Variants in BAG2 observed in about 807,000 individuals in gnomAD.
BAG2 encodes the protein BAG cochaperone 2.
Under a neutral mutation model 16.4 loss-of-function variants are expected in BAG2, and 8 were observed. That is an observed-to-expected ratio of 0.49 (90% CI 0.29 to 0.88). The LOEUF (loss-of-function observed/expected upper bound fraction) is 0.88. BAG2 is among the 40% of genes least tolerant of loss of function. The pLI, the probability that BAG2 is intolerant of heterozygous loss-of-function variation, is 0.09. For synonymous variants in BAG2, 82 were observed against 89.2 expected (o/e 0.92, Z 0.46); for missense variants, 218 against 248.9 (o/e 0.88, Z 0.84).
chr6:57,172,361 T>G lies in BAG2; in HGVS notation c.-337T>G, dbSNP rs1332035684. 5.8e-6 allele frequency: 1 copy of G among 171,712 alleles called. No individual in the cohort carries two copies. Among genetic ancestry groups the G allele is most frequent in the African/African-American group, 2.4e-5 (1 of 42,244 alleles). 10.6% of individuals were successfully genotyped at this position (171,712 alleles called of 1,614,324 possible). A position where few individuals can be genotyped will look rare whatever the true frequency, so the allele number is the denominator to read the frequency against. On this transcript the variant is annotated 5_prime_UTR_variant, in exon 1 of 3. Transcript: ENST00000370693. ...CTAGCCACATTAGGCGCTCGGTCTC[T>G]GCGTCCGCCCCTCCCGTGCCTCAGA...
In BAG2 at chr6:57,184,226, G is replaced by GT; in HGVS notation, c.*37dup. 6.9e-7 allele frequency: 1 copy of GT among 1,444,564 alleles called. No individual in the cohort carries two copies. The highest frequency in any genetic ancestry group is 9.1e-7 in the Non-Finnish European group (1 of 1,099,466). The allele number at this position is 1,444,564 out of a possible 1,614,324, so 89.5% of individuals were successfully genotyped here. ...TAAGAGCATTTACACAATACACAAG[G>GT]TGTAAAAATGATAAAATACTATTTT... On this transcript the variant is annotated 3_prime_UTR_variant, in exon 3 of 3. Transcript: ENST00000370693.
chr6:57,182,347 G>T (rs1205236392), intron 2 of BAG2, among the ~76,000 whole-genome samples: 1 of 151,940 alleles, frequency 6.6e-6, no homozygotes, highest in African/African-American at 2.4e-5. Context: ...TCTACCCCAA[G>T]CCCCTGGCTA....
intron 1 of BAG2, chr6:57,173,476 C>T: frequency 3.0e-6 from 3 of 985,298 alleles, no homozygotes; most frequent in East Asian, 1.1e-4. Flanking sequence ...TTATTGGGCA[C>T]CTCCCTACAT....
Position 57,172,715 on chromosome 6 carries a change from C to A in BAG2, c.18C>A (p.Ile6=). The A allele has an allele frequency of 1.9e-6, 3 of 1,574,338 alleles. No homozygotes were observed. Among genetic ancestry groups the A allele is most frequent in the Admixed American group, 1.8e-5 (1 of 55,566 alleles). MAQAK[I]NAKANEGRFC... ...AGGCTTAGATGGCTCAGGCGAAGAT[C>A]AACGCTAAAGCCAACGAGGGGCGCT... The change falls in exon 1 of 3, where the codon ATC becomes ATA. Residue 6 remains isoleucine, a synonymous_variant. Coordinates refer to ENST00000370693, the MANE Select transcript of BAG2 (RefSeq NM_004282.4).
At position 57,172,737 on chromosome 6, in the gene BAG2, C is replaced by T. The variant is rs745777846; in HGVS notation, c.40C>T (p.Arg14Cys). 6.3e-7 allele frequency: 1 copy of T among 1,581,056 alleles called. No homozygotes were observed. The highest frequency in any genetic ancestry group is 1.8e-5 in the Admixed American group (1 of 56,494). ...AKINAKANEGRFCRSSSMADR... is the reference protein window; with the variant it reads ...AKINAKANEGCFCRSSSMADR... Reference sequence around the variant, plus strand: ...GATCAACGCTAAAGCCAACGAGGGGCGCTTCTGCCGCTCCTCCTCCATGGC... The same window carrying T: ...GATCAACGCTAAAGCCAACGAGGGGTGCTTCTGCCGCTCCTCCTCCATGGC... Residue 14 changes from arginine (R) to cysteine (C), a missense_variant, in exon 1 of 3, where the codon CGC becomes TGC. Around this residue, in one of 3 missense-constraint regions of BAG2, gnomAD observed 75 missense variants for 63.1 expected, o/e 1.19. Transcript: ENST00000370693.
At chr6:57,174,320 G>A in intron 1 of BAG2, 1 of 1,303,908 alleles carries the variant, frequency 7.7e-7, no homozygotes, top group Non-Finnish European at 1.0e-6. Flanking sequence ...TAAAGGAATG[G>A]GGAGGTTGTT....
At chr6:57,180,517 T>G (rs1200775832) in intron 1 of BAG2, among the ~76,000 whole-genome samples, 1 of 151,788 alleles carries the variant, frequency 6.6e-6, no homozygotes, top group Admixed American at 6.6e-5. Context: ...ATTTTAGAGA[T>G]AAATAGCGAA....
chr6:57,174,325 GTTGTTAC>G (rs1764217700), intron 1 of BAG2: 1 of 1,303,958 alleles, frequency 7.7e-7, no homozygotes, highest in South Asian at 1.2e-5. Context: ...GAATGGGGAG[GTTGTTAC>G]TCCACTCCGC....
At chr6:57,174,176 C>A in intron 1 of BAG2, 1 of 1,078,690 alleles carries the variant, frequency 9.3e-7, no homozygotes, top group Non-Finnish European at 1.1e-6. Flanking sequence ...ACTTGAAGTC[C>A]CTCTAACTGG....
At position 57,185,516 on chromosome 6, in the gene BAG2, T is replaced by G. The variant is rs1345085240; in HGVS notation, c.*1326T>G. Reference sequence around the variant, plus strand: ...CAATGCAAGCAATATCAAACTTCATTTTCTCTACAAAAATGCCAAGTTAGT... The same window carrying G: ...CAATGCAAGCAATATCAAACTTCATGTTCTCTACAAAAATGCCAAGTTAGT... On this transcript the variant is annotated 3_prime_UTR_variant, in exon 3 of 3. Coordinates refer to ENST00000370693, the MANE Select transcript of BAG2 (RefSeq NM_004282.4). The G allele has an allele frequency of 6.6e-6, 1 of 152,228 alleles. No homozygotes were observed. The highest frequency in any genetic ancestry group is 1.5e-5 in the Non-Finnish European group (1 of 68,044). 9.4% of individuals were successfully genotyped at this position (152,228 alleles called of 1,614,324 possible).
At chr6:57,179,676 T>C (rs916307038) in intron 1 of BAG2, among the ~76,000 whole-genome samples, 1 of 152,218 alleles carries the variant, frequency 6.6e-6, no homozygotes, top group Non-Finnish European at 1.5e-5. Flanking sequence ...TAATTCATAA[T>C]AACAACGTTC....
chr6:57,180,758 C>T (rs7749960), intron 1 of BAG2, among the ~76,000 whole-genome samples: 8 of 149,646 alleles, frequency 5.3e-5, no homozygotes, highest in Admixed American at 5.3e-4. Context: ...CAAAAGCATA[C>T]GCCATAAGGC....
At position 57,172,694 on chromosome 6, in the gene BAG2, T is replaced by C; in HGVS notation, c.-4T>C. Reference sequence around the variant, plus strand: ...CTCTTGGCTACCCCGCGTCGGAGGCTTAGATGGCTCAGGCGAAGATCAACG... The same window carrying C: ...CTCTTGGCTACCCCGCGTCGGAGGCCTAGATGGCTCAGGCGAAGATCAACG... On this transcript the variant is annotated 5_prime_UTR_variant, in exon 1 of 3. Coordinates refer to ENST00000370693, the MANE Select transcript of BAG2 (RefSeq NM_004282.4). 1 of 1,552,882 alleles carries C rather than the reference T, an allele frequency of 6.4e-7. No individual in the cohort carries two copies. The highest frequency in any genetic ancestry group is 8.7e-7 in the Non-Finnish European group (1 of 1,151,716).
Position 57,178,951 on chromosome 6 carries a change from TAAATG to T in BAG2, c.114-3077_114-3073del, listed in dbSNP as rs1440646873. On this transcript the variant is annotated intron_variant, in intron 1 of 2. Transcript: ENST00000370693. Reference sequence around the variant, plus strand: ...AACATGAACTTACTGCTGTAACTCATAAATGAAACCTTCCTTTTCAGAATAGCATT... The same window carrying T: ...AACATGAACTTACTGCTGTAACTCATAAACCTTCCTTTTCAGAATAGCATT... Among the ~76,000 whole-genome samples the T allele has an allele frequency of 1.1e-4, 16 of 152,368 alleles. No homozygotes were observed. The East Asian group carries it at 3.1e-3, about 29-fold the overall frequency.
chr6:57,172,518 CCCT>C lies in BAG2; in HGVS notation c.-179_-177del, dbSNP rs1181314256. The stretch of plus-strand genomic sequence containing the variant: ...CCGAGCCCCGCGGGCGCCGCGCCTG[CCCT>C]TCTTTGGCTACGCTGCAGCCGCGGT... On this transcript the variant is annotated 5_prime_UTR_variant, in exon 1 of 3. Coordinates refer to ENST00000370693, the MANE Select transcript of BAG2 (RefSeq NM_004282.4). 2.1e-6 allele frequency: 1 copy of C among 467,954 alleles called. No homozygotes were observed. The highest frequency in any genetic ancestry group is 2.1e-5 in the African/African-American group (1 of 48,414). 29.0% of individuals were successfully genotyped at this position (467,954 alleles called of 1,614,324 possible). A position where few individuals can be genotyped will look rare whatever the true frequency, so the allele number is the denominator to read the frequency against.
chr6:57,184,511 T>C lies in BAG2; in HGVS notation c.*321T>C. The C allele has an allele frequency of 5.5e-6, 1 of 181,296 alleles. No individual in the cohort carries two copies. The highest frequency in any genetic ancestry group is 2.4e-5 in the African/African-American group (1 of 42,550). 11.2% of individuals were successfully genotyped at this position (181,296 alleles called of 1,614,324 possible). On this transcript the variant is annotated 3_prime_UTR_variant, in exon 3 of 3. Transcript: ENST00000370693. Reference sequence around the variant, plus strand: ...AGGGGCAAAAAGCATGACTGCTTTTTCCTGTCTGGCATGGAATCACGCAGT... The same window carrying C: ...AGGGGCAAAAAGCATGACTGCTTTTCCCTGTCTGGCATGGAATCACGCAGT...
rs1310045662 is a variant in BAG2 at position 57,172,565 on chromosome 6, G to C, written c.-133G>C. On this transcript the variant is annotated 5_prime_UTR_variant, in exon 1 of 3. Coordinates refer to ENST00000370693, the MANE Select transcript of BAG2 (RefSeq NM_004282.4). ...CCGCGGTGTCGGCGAGTCCTCCCGG[G>C]TTGCCCCCGCGGGCGTCAGAGGGAG... is the stretch of plus-strand genomic sequence containing the variant. 1.5e-6 allele frequency: 1 copy of C among 686,584 alleles called. No individual in the cohort carries two copies. The highest frequency in any genetic ancestry group is 1.9e-5 in the African/African-American group (1 of 52,436). The allele number at this position is 686,584 out of a possible 1,614,324, so 42.5% of individuals were successfully genotyped here.
chr6:57,183,734 A>T (rs769860247), intron 2 of BAG2, 44 bp from the exon 3 acceptor site: 5 of 1,455,140 alleles, frequency 3.4e-6, no homozygotes, highest in Non-Finnish European at 3.7e-6. Context: ...AAATGCCTTA[A>T]TGTTTTTGAC....
At chr6:57,176,373 T>C (rs1764286127) in intron 1 of BAG2, among the ~76,000 whole-genome samples, 1 of 152,154 alleles carries the variant, frequency 6.6e-6, no homozygotes, top group Non-Finnish European at 1.5e-5. Context: ...TTTCAAAATA[T>C]AGAAATGATA....
Sources: allele counts gnomAD v4.1 joint callset (sites outside exome capture counted in the v4.1 genomes callset), GRCh38; gene constraint gnomAD v4.1.1; regional missense constraint gnomAD v4.1.1; transcripts MANE v1.5; gene names NCBI Gene and HGNC (gene_info 2026-07-23, HGNC 2026-07-21).